ETV6: variants seen among roughly 807,000 people sequenced by gnomAD.
ETV6 encodes the protein transcription factor ETV6.
A neutral mutation model predicts 51.1 loss-of-function variants in ETV6; 16 were observed. The ratio of observed to expected loss-of-function variants is 0.31; its 90% CI spans 0.21 to 0.48. The LOEUF (loss-of-function observed/expected upper bound fraction) is 0.48, where lower values mean the gene tolerates loss of function less well. Among genes scored for constraint, ETV6 ranks in the 20% least tolerant of loss-of-function variants. The pLI is 0.99. For missense variants in ETV6, 458 were observed against 594.8 expected, an observed-to-expected ratio of 0.77 and a Z score of 2.39; for synonymous variants, 240 against 224.1, an observed-to-expected ratio of 1.07 and a Z score of -0.64.
At chr12:11,763,708 A>G (rs920127212) in intron 2 of ETV6, among the ~76,000 whole-genome samples, 10 of 152,210 alleles carry the variant, frequency 6.6e-5, no homozygotes, top group African/African-American at 1.9e-4. Flanking sequence ...TACTACTGTG[A>G]CGATTCCTGC....
chr12:11,796,742 A>G (rs1412055427), intron 2 of ETV6, among the ~76,000 whole-genome samples: 2 of 148,398 alleles, frequency 1.3e-5, no homozygotes, highest in African/African-American at 4.9e-5. Context: ...ATTGAATAGC[A>G]CTAAGGGATA....
chr12:11,706,904 C>T (rs775910291), intron 1 of ETV6, among the ~76,000 whole-genome samples: 3 of 152,218 alleles, frequency 2.0e-5, no homozygotes, highest in Admixed American at 6.5e-5. Context: ...TACTTCACAG[C>T]GAACAGTTTG....
chr12:11,830,695 G>A (rs1240085945), intron 2 of ETV6, among the ~76,000 whole-genome samples: 2 of 152,194 alleles, frequency 1.3e-5, no homozygotes, highest in African/African-American at 4.8e-5. Context: ...TAAACCTGGG[G>A]ACTGTTATGT....
At chr12:11,742,265 A>G (rs2724640) in intron 1 of ETV6, among the ~76,000 whole-genome samples, 129,613 of 151,896 alleles carry the variant, frequency 0.85, 58,119 homozygotes, top group Non-Finnish European at 0.99. Context: ...TGCTGGTGGC[A>G]TTTGCAGGGT....
chr12:11,750,727 T>A lies in ETV6; in HGVS notation c.34-1723T>A, dbSNP rs117788112. ...AATTCTAAAAACAGACTGTTTGAAATGCTCAGAAGCCCACCTCACCTTTAA... is the reference window on the plus strand; with the variant it reads ...AATTCTAAAAACAGACTGTTTGAAAAGCTCAGAAGCCCACCTCACCTTTAA... On this transcript the variant is annotated intron_variant, in intron 1 of 7. Transcript: ENST00000396373. 2.0e-4 allele frequency: 82 copies of A among 413,618 alleles called. 2 individuals carry two copies. In the East Asian group the frequency reaches 4.8e-3, roughly 24 times the overall value. The allele number at this position is 413,618 out of a possible 1,614,324, so 25.6% of individuals were successfully genotyped here.
At chr12:11,725,157 A>C (rs1591633406) in intron 1 of ETV6, among the ~76,000 whole-genome samples, 1 of 127,506 alleles carries the variant, frequency 7.8e-6, no homozygotes. Flanking sequence ...CTTTCTTTTT[A>C]GCTGTTTTTT....
intron 7 of ETV6, 123 bp from the exon 8 acceptor site, chr12:11,890,818 G>A: frequency 1.3e-6 from 1 of 765,602 alleles, no homozygotes; most frequent in Non-Finnish European, 2.3e-6. Flanking sequence ...TTAATCTCGG[G>A]GTTCAGTAGC....
intron 1 of ETV6, among the ~76,000 whole-genome samples, chr12:11,709,219 A>G (rs1171725845): frequency 6.6e-6 from 1 of 152,128 alleles, no homozygotes; most frequent in Non-Finnish European, 1.5e-5. Context: ...CCCTACCTAT[A>G]TACCTCTACC....
At chr12:11,749,270 A>G (rs1454955889) in intron 1 of ETV6, among the ~76,000 whole-genome samples, 1 of 144,320 alleles carries the variant, frequency 6.9e-6, no homozygotes, top group African/African-American at 2.6e-5. Flanking sequence ...CCTCTTGGGA[A>G]AATCGTTATC....
chr12:11,696,223 GTTTC>G (rs1184037181), intron 1 of ETV6, among the ~76,000 whole-genome samples: 4 of 152,002 alleles, frequency 2.6e-5, no homozygotes, highest in Non-Finnish European at 4.4e-5. Context: ...ATTTTTACTT[GTTTC>G]TTAATGTTTG....
chr12:11,849,055 C>T (rs1946507977), intron 3 of ETV6, among the ~76,000 whole-genome samples: 1 of 152,140 alleles, frequency 6.6e-6, no homozygotes, highest in African/African-American at 2.4e-5. Flanking sequence ...TTTCAGTAGG[C>T]AAATAAATAT....
At chr12:11,735,492 T>G (rs945825424) in intron 1 of ETV6, among the ~76,000 whole-genome samples, 1 of 152,228 alleles carries the variant, frequency 6.6e-6, no homozygotes, top group Non-Finnish European at 1.5e-5. Flanking sequence ...ACAAACTACT[T>G]AATTGAACAG....
chr12:11,707,181 T>TAA (rs1439390007), intron 1 of ETV6, among the ~76,000 whole-genome samples: 3 of 152,020 alleles, frequency 2.0e-5, no homozygotes, highest in Non-Finnish European at 4.4e-5. Context: ...AGCAGCTGTG[T>TAA]AAAGGAGGCT....
chr12:11,840,535 A>C (rs1946374324), intron 3 of ETV6: 1 of 455,918 alleles, frequency 2.2e-6, no homozygotes, highest in African/African-American at 2.0e-5. Context: ...AACTACGTTC[A>C]ACCTTTATTT....
intron 2 of ETV6, among the ~76,000 whole-genome samples, chr12:11,758,706 C>A (rs753617937): frequency 2.6e-5 from 4 of 152,208 alleles, no homozygotes; most frequent in Non-Finnish European, 4.4e-5. Flanking sequence ...GCTATCACAT[C>A]AGTGTTCCAA....
chr12:11,659,474 A>G (rs1864060112), intron 1 of ETV6, among the ~76,000 whole-genome samples: 1 of 152,114 alleles, frequency 6.6e-6, no homozygotes, highest in African/African-American at 2.4e-5. Context: ...TTCTCCTGGA[A>G]ACCACAAGTG....
intron 2 of ETV6, among the ~76,000 whole-genome samples, chr12:11,756,947 A>G (rs148094967): frequency 1.1e-3 from 167 of 152,310 alleles, no homozygotes; most frequent in African/African-American, 4.0e-3. Flanking sequence ...TTTAGTTGAC[A>G]TTGCGCCATT....
chr12:11,738,267 CTT>C (rs1865744837), intron 1 of ETV6, among the ~76,000 whole-genome samples: 1 of 144,772 alleles, frequency 6.9e-6, no homozygotes, highest in Non-Finnish European at 1.5e-5. Context: ...CTTCCTCTCT[CTT>C]TCTCTTTCTC....
chr12:11,868,416 G>A (rs2136536315), intron 4 of ETV6, among the ~76,000 whole-genome samples: 1 of 149,234 alleles, frequency 6.7e-6, no homozygotes, highest in East Asian at 2.0e-4. Flanking sequence ...TCATAAGGTT[G>A]GGGGTTTTTT....
Sources: gnomAD v4.1 joint callset for allele counts (sites outside exome capture counted in the v4.1 genomes callset) on GRCh38, gnomAD v4.1.1 for gene constraint, MANE v1.5 for transcripts, NCBI Gene and HGNC (gene_info 2026-07-23, HGNC 2026-07-21) for gene names.